LBR: variants seen among roughly 807,000 people sequenced by gnomAD.
LBR encodes delta(14)-sterol reductase LBR.
LBR carries 28 observed loss-of-function variants against 74.3 expected under a neutral mutation model. The observed-to-expected ratio is 0.38, with a 90% CI of 0.28 to 0.52. The LOEUF is 0.52. Among genes scored for constraint, LBR ranks in the 20% least tolerant of loss-of-function variants. LBR has a pLI of 0.89. For synonymous variants in LBR, 228 were observed against 269.3 expected, an observed-to-expected ratio of 0.85 and a Z score of 1.50; for missense variants, 717 against 760.3, an observed-to-expected ratio of 0.94 and a Z score of 0.67.
intron 8 of LBR, 32 bp downstream of exon 8, chr1:225,412,422 A>C: frequency 6.2e-7 from 1 of 1,608,606 alleles, no homozygotes; most frequent in Non-Finnish European, 8.5e-7. Context: ...TCTGGGACGC[A>C]TTCATCCAAC....
intron 10 of LBR, among the ~76,000 whole-genome samples, chr1:225,409,453 A>G (rs1225513093): frequency 6.6e-6 from 1 of 152,234 alleles, no homozygotes; most frequent in East Asian, 1.9e-4. Flanking sequence ...ATTGATGACC[A>G]AATAATATAA....
chr1:225,422,933 T>C (rs1249176655), intron 2 of LBR, among the ~76,000 whole-genome samples: 2 of 152,234 alleles, frequency 1.3e-5, no homozygotes, highest in African/African-American at 4.8e-5. Flanking sequence ...AATTTCACTG[T>C]CCATAAAGTT....
chr1:225,427,266 A>T (rs556716402), intron 1 of LBR: 1 of 152,232 alleles, frequency 6.6e-6, no homozygotes, highest in Admixed American at 6.5e-5. Flanking sequence ...CATTTTTCTG[A>T]ACCCTCAAAA....
At chr1:225,404,561 C>G in intron 12 of LBR, 35 bp from the exon 13 acceptor site, 1 of 1,571,416 alleles carries the variant, frequency 6.4e-7, no homozygotes, top group Non-Finnish European at 8.7e-7. Context: ...TTAATGATGT[C>G]GAGACAAAAA....
rs1056712085 is a variant in LBR at position 225,403,418 on chromosome 1, A to T, written c.1733T>A (p.Met578Lys). ...LPYFYIIYFT[M>K]LLVHREARDE... The stretch of plus-strand genomic sequence containing the variant: ...ACGAGCTTCTCGGTGGACAAGCAAC[A>T]TGGTGAAATAAATTATGTAGAAATA... The change falls in exon 14 of 14, where the codon ATG (methionine) becomes AAG (lysine). Residue 578 changes from methionine (M) to lysine (K), a missense_variant. By Grantham distance (95) the Met-to-Lys change is moderately conservative (BLOSUM62 -1). Coordinates refer to ENST00000272163, the MANE Select transcript of LBR (RefSeq NM_002296.4). 3.1e-6 allele frequency: 5 copies of T among 1,611,314 alleles called. No homozygotes were observed. Among genetic ancestry groups the T allele is most frequent in the Non-Finnish European group, 4.2e-6 (5 of 1,178,634 alleles).
chr1:225,423,931 A>C lies in LBR; in HGVS notation c.145T>G (p.Leu49Val), dbSNP rs1448407807. The C allele has an allele frequency of 6.2e-7, 1 of 1,613,838 alleles. No individual in the cohort carries two copies. Among genetic ancestry groups the C allele is most frequent in the African/African-American group, 1.3e-5 (1 of 75,034 alleles). ...VKYKDGTELE[L>V]KENDIKPLTS... ...CTTACCTTAATATCATTCTCTTTCAATTCAAGCTCTGTTCCATCTTTATAC... is the reference window on the plus strand; with the variant it reads ...CTTACCTTAATATCATTCTCTTTCACTTCAAGCTCTGTTCCATCTTTATAC... Residue 49 changes from leucine (L) to valine (V), a missense_variant, in exon 2 of 14, where the codon TTG becomes GTG. Transcript: ENST00000272163.
rs967498079 is a variant in LBR, at chr1:225,404,677, T to C, written c.1513A>G (p.Asn505Asp). 12 of 1,611,418 alleles carry C rather than the reference T, an allele frequency of 7.4e-6. No individual in the cohort carries two copies. Among genetic ancestry groups the C allele is most frequent in the African/African-American group, 6.7e-5 (5 of 74,862 alleles). The change falls in exon 12 of 14, where the codon AAT becomes GAT. Residue 505 changes from asparagine to aspartate, a missense_variant. Physicochemically the swap from Asn to Asp is conservative, Grantham distance 23. Transcript: ENST00000272163. ...TTCCGGAATGCATTTTTCTGAGAAT[T>C]TGCACCTCGGAAGATTACATAACCA... ...LCGYVIFRGA[N>D]SQKNAFRKNP... is the part of the protein sequence containing the mutation.
chr1:225,419,192 C>T, intron 5 of LBR, 71 bp downstream of exon 5: 1 of 1,442,862 alleles, frequency 6.9e-7, no homozygotes. Flanking sequence ...AGAGGCCTTT[C>T]CAGTTCACCT....
rs758568680 is a variant in LBR, at chr1:225,403,366, G to C, written c.1785C>G (p.Tyr595Ter). 6.2e-7 allele frequency: 1 copy of C among 1,613,620 alleles called. No individual in the cohort carries two copies. The highest frequency in any genetic ancestry group is 8.5e-7 in the Non-Finnish European group (1 of 1,179,782). ...GACAGTACTTTTCCCAAGCCACGCC[G>C]TATTTCTTCTTACAGTGGTACTCGT... is the stretch of plus-strand genomic sequence containing the variant. The part of the protein sequence containing the change: ...ARDEYHCKKK[Y>*]GVAWEKYCQR... Residue 595 changes from tyrosine (Y) to a stop codon, truncating the protein, a stop_gained, in exon 14 of 14, where the codon TAC (tyrosine) becomes TAG (stop). Coordinates refer to ENST00000272163, the MANE Select transcript of LBR (RefSeq NM_002296.4). LOFTEE classifies it high-confidence loss of function.
At chr1:225,415,995 G>A (rs1207991601) in intron 6 of LBR, among the ~76,000 whole-genome samples, 1 of 152,046 alleles carries the variant, frequency 6.6e-6, no homozygotes, top group Non-Finnish European at 1.5e-5. Flanking sequence ...TTGAGTCCAG[G>A]AGTTGGAGAC....
chr1:225,413,732 T>C, intron 7 of LBR: 1 of 308,528 alleles, frequency 3.2e-6, no homozygotes, highest in Non-Finnish European at 6.4e-6. Context: ...TCATCCAAAA[T>C]GTCTTAGGAA....
rs1312950702 is a variant in LBR, at chr1:225,412,664, A to G, written c.893-19T>C. 6.3e-7 allele frequency: 1 copy of G among 1,589,588 alleles called. No homozygotes were observed. The highest frequency in any genetic ancestry group is 1.1e-5 in the South Asian group (1 of 87,768). On this transcript the variant is annotated intron_variant, in intron 7 of 13. Coordinates refer to ENST00000272163, the MANE Select transcript of LBR (RefSeq NM_002296.4). ...TAGAATCCTTTAAAAAAAAAAAAAA[A>G]AGGAAGTGGAAAATTAATATTAACC... is the stretch of plus-strand genomic sequence containing the variant.
At chr1:225,417,111 C>G (rs765431419) in intron 6 of LBR, among the ~76,000 whole-genome samples, 1 of 152,114 alleles carries the variant, frequency 6.6e-6, no homozygotes, top group African/African-American at 2.4e-5. Context: ...CTAAATGAAT[C>G]TGAATTTAAC....
chr1:225,405,979 G>C (rs1193304204), intron 11 of LBR, among the ~76,000 whole-genome samples: 1 of 152,154 alleles, frequency 6.6e-6, no homozygotes, highest in Non-Finnish European at 1.5e-5. Flanking sequence ...TAAGAACAAT[G>C]AAAATTCATC....
Position 225,403,459 on chromosome 1 carries a change from A to C in LBR, c.1692T>G (p.Phe564Leu), listed in dbSNP as rs779730656. The C allele has an allele frequency of 3.7e-6, 6 of 1,606,318 alleles. No individual in the cohort carries two copies. The East Asian group carries it at 1.3e-4, about 36-fold the overall frequency. Residue 564 changes from phenylalanine (F) to leucine (L), a missense_variant, in exon 14 of 14, where the codon TTT becomes TTG. Transcript: ENST00000272163. ...TGTAGAAATAAGGCAGAATGTGGTTAAAACCTGTGGATAATAATAGTACAC... is the reference window on the plus strand; with the variant it reads ...TGTAGAAATAAGGCAGAATGTGGTTCAAACCTGTGGATAATAATAGTACAC... ...MALAWSLPCG[F>L]NHILPYFYII...
chr1:225,414,265 C>A, intron 7 of LBR: 1 of 398,520 alleles, frequency 2.5e-6, no homozygotes, highest in Non-Finnish European at 5.1e-6. Context: ...CTTTGGCTTC[C>A]CCTTTAGAAC....
rs1399788307 is a variant in LBR, at chr1:225,419,728, T to G, written c.437A>C (p.His146Pro). Reference protein sequence around the residue: ...PEHIERNDAPHKNTQEKFSLS... With the variant: ...PEHIERNDAPPKNTQEKFSLS... ...ACACTTTCCCACCTGTGTATTTTTA[T>G]GAGGTGCGTCATTTCTCTCAATATG... is the stretch of plus-strand genomic sequence containing the variant. Residue 146 changes from histidine (H) to proline (P), a missense_variant, in exon 4 of 14, where the codon CAT (histidine) becomes CCT (proline). By Grantham distance (77) the His-to-Pro change is moderately conservative (BLOSUM62 -2). Transcript: ENST00000272163. 2 of 1,610,888 alleles carry G rather than the reference T, an allele frequency of 1.2e-6. No homozygotes were observed. The highest frequency in any genetic ancestry group is 1.7e-6 in the Non-Finnish European group (2 of 1,177,800).
chr1:225,423,915 A>G lies in LBR; in HGVS notation c.161T>C (p.Ile54Thr). 3.1e-6 allele frequency: 5 copies of G among 1,613,176 alleles called. 1 individual carries two copies. Among genetic ancestry groups the G allele is most frequent in the Non-Finnish European group, 4.2e-6 (5 of 1,179,172 alleles). The stretch of plus-strand genomic sequence containing the variant: ...ATAAACCAAAGGAGCTCTTACCTTA[A>G]TATCATTCTCTTTCAATTCAAGCTC... ...GTELELKEND[I>T]KPLTSFRQRK... The change falls in exon 2 of 14, where the codon ATT (isoleucine) becomes ACT (threonine). Residue 54 changes from isoleucine to threonine, a missense_variant. Coordinates refer to ENST00000272163, the MANE Select transcript of LBR (RefSeq NM_002296.4).
intron 10 of LBR, 76 bp from the exon 11 acceptor site, chr1:225,406,908 G>T: frequency 1.4e-6 from 2 of 1,441,146 alleles, no homozygotes; most frequent in Non-Finnish European, 1.9e-6. Context: ...TAGTTTACAG[G>T]CAAATGTAAA....
Sources: gnomAD v4.1 joint callset for allele counts (sites outside exome capture counted in the v4.1 genomes callset) on GRCh38, gnomAD v4.1.1 for gene constraint, MANE v1.5 for transcripts, NCBI Gene and HGNC (gene_info 2026-07-23, HGNC 2026-07-21) for gene names.